WWOX: variants seen among roughly 807,000 people sequenced by gnomAD.
WWOX encodes WW domain-containing oxidoreductase.
A neutral mutation model predicts 46.2 loss-of-function variants in WWOX; 69 were observed. The ratio of observed to expected loss-of-function variants is 1.49; its 90% CI spans 1.23 to 1.82. The LOEUF is 1.82. Among genes scored for constraint, WWOX ranks in the 40% most tolerant of loss-of-function variants. The pLI is 0.00. For missense variants in WWOX, 919 were observed against 542.6 expected (o/e 1.69, Z -6.89); for synonymous variants, 359 against 202.6 (o/e 1.77, Z -6.56).
intron 8 of WWOX, among the ~76,000 whole-genome samples, chr16:78,960,974 A>G (rs2046260404): frequency 6.6e-6 from 1 of 152,138 alleles, no homozygotes; most frequent in African/African-American, 2.4e-5. Flanking sequence ...AGAATCTATA[A>G]TGTATTCTCC....
At position 79,140,769 on chromosome 16, in the gene WWOX, G is replaced by A. The variant is rs113651944; in HGVS notation, c.1057-70839G>A. Among the ~76,000 whole-genome samples the A allele has an allele frequency of 6.3e-3, 952 of 152,280 alleles. 8 individuals carry two copies. Among genetic ancestry groups the A allele is most frequent in the African/African-American group, 0.022 (896 of 41,542 alleles). The stretch of plus-strand genomic sequence containing the variant: ...AAGCTTTCAAGGTGAGTTGTGCAGA[G>A]GCAAGTCTGCTTGTTTCATCAAGCT... On this transcript the variant is annotated intron_variant, in intron 8 of 8. Transcript: ENST00000566780.
chr16:78,853,995 G>C (rs566948335), intron 8 of WWOX, among the ~76,000 whole-genome samples: 4 of 152,230 alleles, frequency 2.6e-5, no homozygotes, highest in African/African-American at 4.8e-5. Context: ...AAAATGAACA[G>C]AGGAAATGAA....
rs1199309440 is a variant in WWOX at position 78,887,518 on chromosome 16, C to CACACACAT, written c.1057-324089_1057-324088insCACACATA. On this transcript the variant is annotated intron_variant, in intron 8 of 8. Transcript: ENST00000566780. ...ACACACACACACACACACACACACA[C>CACACACAT]AAGAAATGACTACAGACACCTCAAC... 9.9e-4 allele frequency among the ~76,000 whole-genome samples: 146 copies of CACACACAT among 147,454 alleles called. 5 individuals carry two copies. The highest frequency in any genetic ancestry group is 3.2e-3 in the African/African-American group (128 of 39,392).
chr16:78,548,471 A>C (rs2044099610), intron 8 of WWOX, among the ~76,000 whole-genome samples: 1 of 152,170 alleles, frequency 6.6e-6, no homozygotes, highest in African/African-American at 2.4e-5. Context: ...ATTTAGGGGG[A>C]GACATTTTTT....
intron 8 of WWOX, among the ~76,000 whole-genome samples, chr16:78,617,644 C>G (rs1009380372): frequency 6.6e-6 from 1 of 152,050 alleles, no homozygotes; most frequent in African/African-American, 2.4e-5. Context: ...GAAGTGAGTC[C>G]CCCTGCTCCT....
intron 8 of WWOX, among the ~76,000 whole-genome samples, chr16:78,912,326 T>C (rs1293287960): frequency 6.6e-6 from 1 of 152,016 alleles, no homozygotes; most frequent in Non-Finnish European, 1.5e-5. Flanking sequence ...TGTGTTATTT[T>C]ATTTCATCCT....
At chr16:78,971,976 C>T (rs1319190715) in intron 8 of WWOX, among the ~76,000 whole-genome samples, 1 of 152,132 alleles carries the variant, frequency 6.6e-6, no homozygotes, top group Non-Finnish European at 1.5e-5. Flanking sequence ...GGAGCTCTTC[C>T]CAGGCCGAGG....
chr16:78,604,218 C>A (rs897745945), intron 8 of WWOX, among the ~76,000 whole-genome samples: 12 of 152,102 alleles, frequency 7.9e-5, no homozygotes, highest in African/African-American at 2.7e-4. Flanking sequence ...GCCCAAAATA[C>A]TTTGTTTACA....
chr16:78,777,483 A>G (rs1014728119), intron 8 of WWOX, among the ~76,000 whole-genome samples: 2 of 152,272 alleles, frequency 1.3e-5, no homozygotes, highest in East Asian at 3.9e-4. Flanking sequence ...AGACATTGCA[A>G]ATACAGACGT....
chr16:78,728,264 T>A (rs7198292), intron 8 of WWOX, among the ~76,000 whole-genome samples: 13 of 151,550 alleles, frequency 8.6e-5, no homozygotes, highest in East Asian at 7.9e-4. Flanking sequence ...GGGGTCCCAC[T>A]GTGTTGCCCA....
At chr16:78,859,224 A>C (rs773277083) in intron 8 of WWOX, among the ~76,000 whole-genome samples, 6 of 151,548 alleles carry the variant, frequency 4.0e-5, no homozygotes, top group East Asian at 3.9e-4. Flanking sequence ...ACTGATTTCA[A>C]CTTTGTTTCC....
chr16:79,119,091 G>A (rs2049575291), intron 8 of WWOX, among the ~76,000 whole-genome samples: 1 of 151,960 alleles, frequency 6.6e-6, no homozygotes, highest in Admixed American at 6.5e-5. Context: ...AGGTTTGTGA[G>A]ACATATTGCC....
intron 8 of WWOX, among the ~76,000 whole-genome samples, chr16:78,632,925 G>A (rs936071940): frequency 6.6e-6 from 1 of 152,040 alleles, no homozygotes; most frequent in Non-Finnish European, 1.5e-5. Flanking sequence ...GTAGGGCCAT[G>A]TTGGAGAGGG....
rs190842116 is a variant in WWOX at position 78,210,667 on chromosome 16, A to G, written c.516+46378A>G. On this transcript the variant is annotated intron_variant, in intron 5 of 8. Transcript: ENST00000566780. Reference sequence around the variant, plus strand: ...GGGCTTGTTTAAAGTTTTTAATGTAAGGCATTATATAATATTAGATTTCCC... The same window carrying G: ...GGGCTTGTTTAAAGTTTTTAATGTAGGGCATTATATAATATTAGATTTCCC... Among the ~76,000 whole-genome samples, 3 of 152,320 alleles carry G rather than the reference A, an allele frequency of 2.0e-5. No homozygotes were observed. The East Asian group carries it at 5.8e-4, about 29-fold the overall frequency.
At chr16:78,261,048 G>A (rs866618746) in intron 5 of WWOX, among the ~76,000 whole-genome samples, 1 of 150,588 alleles carries the variant, frequency 6.6e-6, no homozygotes, top group Non-Finnish European at 1.5e-5. Flanking sequence ...AATCAAATAT[G>A]ATGTGAAGCT....
intron 8 of WWOX, among the ~76,000 whole-genome samples, chr16:78,700,785 C>G (rs910051590): frequency 2.6e-5 from 4 of 152,204 alleles, no homozygotes; most frequent in African/African-American, 7.2e-5. Context: ...GTGCTTGGCA[C>G]TGAGCGGGTG....
At chr16:79,018,275 G>A (rs1210067599) in intron 8 of WWOX, among the ~76,000 whole-genome samples, 2 of 152,138 alleles carry the variant, frequency 1.3e-5, no homozygotes, top group Non-Finnish European at 2.9e-5. Flanking sequence ...CCATTTTCTG[G>A]TCATTGTAAT....
At chr16:78,629,151 G>A (rs780233877) in intron 8 of WWOX, among the ~76,000 whole-genome samples, 1 of 151,984 alleles carries the variant, frequency 6.6e-6, no homozygotes, top group African/African-American at 2.4e-5. Context: ...ACCACTGCTC[G>A]CATTCCCATG....
intron 8 of WWOX, among the ~76,000 whole-genome samples, chr16:78,597,547 G>C (rs1039032618): frequency 5.3e-5 from 8 of 152,084 alleles, no homozygotes; most frequent in Non-Finnish European, 1.2e-4. Flanking sequence ...CTGGTGACCT[G>C]TTTTAAGAAA....
Sources: allele counts gnomAD v4.1 joint callset (sites outside exome capture counted in the v4.1 genomes callset), GRCh38; gene constraint gnomAD v4.1.1; transcripts MANE v1.5; gene names NCBI Gene and HGNC (gene_info 2026-07-23, HGNC 2026-07-21).